SPECC1: variants seen among roughly 807,000 people sequenced by gnomAD.
The protein encoded by SPECC1 is cytospin-B.
Under a neutral mutation model 104.1 loss-of-function variants are expected in SPECC1, and 62 were observed. The observed-to-expected ratio is 0.60, with a 90% CI of 0.49 to 0.74. SPECC1 has a LOEUF of 0.74. Among genes scored for constraint, SPECC1 ranks in the 30% least tolerant of loss-of-function variants. SPECC1 has a pLI of 0.00. For synonymous variants in SPECC1, 513 were observed against 501.6 expected, an observed-to-expected ratio of 1.02 and a Z score of -0.30; for missense variants, 1,306 against 1,310.5, an observed-to-expected ratio of 1.00 and a Z score of 0.05.
At chr17:20,239,612 C>T (rs900602012) in intron 7 of SPECC1, among the ~76,000 whole-genome samples, 3 of 151,894 alleles carry the variant, frequency 2.0e-5, no homozygotes, top group Admixed American at 6.6e-5. Flanking sequence ...GCTATAATAG[C>T]AGTCCTTATT....
At chr17:20,146,492 G>C (rs1040426381) in intron 3 of SPECC1, among the ~76,000 whole-genome samples, 8 of 152,198 alleles carry the variant, frequency 5.3e-5, no homozygotes, top group Non-Finnish European at 8.8e-5. Flanking sequence ...TGGCAATTAT[G>C]AATAAAACTG....
At chr17:20,223,347 T>A (rs1312727265) in intron 4 of SPECC1, among the ~76,000 whole-genome samples, 1 of 152,186 alleles carries the variant, frequency 6.6e-6, no homozygotes, top group Non-Finnish European at 1.5e-5. Context: ...TCATAAACTT[T>A]TAGCTCCATA....
intron 13 of SPECC1, among the ~76,000 whole-genome samples, chr17:20,304,215 G>C (rs1567621588): frequency 6.8e-6 from 1 of 146,836 alleles, no homozygotes; most frequent in Non-Finnish European, 1.5e-5. Flanking sequence ...ACTTGGACCT[G>C]GGAGGCAGAG....
intron 1 of SPECC1, among the ~76,000 whole-genome samples, chr17:20,052,036 C>G (rs1157223476): frequency 6.6e-6 from 1 of 151,928 alleles, no homozygotes; most frequent in Non-Finnish European, 1.5e-5. Context: ...GTGACAACTT[C>G]AACAAAAAAA....
intron 12 of SPECC1, among the ~76,000 whole-genome samples, chr17:20,289,826 G>A (rs917936951): frequency 1.3e-5 from 2 of 152,160 alleles, no homozygotes; most frequent in African/African-American, 4.8e-5. Flanking sequence ...TTATTTAGGA[G>A]TATAATGTTC....
chr17:20,173,109 C>A (rs2034210192), intron 3 of SPECC1, among the ~76,000 whole-genome samples: 1 of 152,190 alleles, frequency 6.6e-6, no homozygotes, highest in South Asian at 2.1e-4. Flanking sequence ...TTTACTATTT[C>A]TTTTCCCCTA....
At chr17:20,169,915 AC>A (rs1390694707) in intron 3 of SPECC1, among the ~76,000 whole-genome samples, 2 of 152,224 alleles carry the variant, frequency 1.3e-5, no homozygotes, top group African/African-American at 2.4e-5. Context: ...TATTTTACTT[AC>A]AAAAATTTTT....
intron 7 of SPECC1, among the ~76,000 whole-genome samples, chr17:20,236,492 T>C (rs1380896645): frequency 2.0e-5 from 3 of 152,160 alleles, no homozygotes; most frequent in Admixed American, 6.5e-5. Flanking sequence ...GTTGCAGTTA[T>C]AAAAGCAAGA....
chr17:20,114,058 T>A (rs1478471190), intron 3 of SPECC1, among the ~76,000 whole-genome samples: 1 of 152,230 alleles, frequency 6.6e-6, no homozygotes, highest in Non-Finnish European at 1.5e-5. Context: ...TGAGGAATTT[T>A]AAACATATAT....
chr17:20,098,843 C>T (rs1383868720), intron 2 of SPECC1, among the ~76,000 whole-genome samples: 4 of 152,182 alleles, frequency 2.6e-5, no homozygotes, highest in Non-Finnish European at 4.4e-5. Flanking sequence ...AAAGTAAGCC[C>T]CCTGCAGACA....
chr17:20,200,437 A>C (rs1230803779), intron 3 of SPECC1, among the ~76,000 whole-genome samples: 1 of 152,016 alleles, frequency 6.6e-6, no homozygotes, highest in East Asian at 2.0e-4. Flanking sequence ...TTTTATGTTA[A>C]CTTCTTGGAA....
chr17:20,105,527 C>T (rs778842800), intron 2 of SPECC1, among the ~76,000 whole-genome samples: 6 of 152,124 alleles, frequency 3.9e-5, no homozygotes, highest in Non-Finnish European at 7.4e-5. Context: ...TTGCATGTCC[C>T]ACTCCCTCCC....
chr17:20,165,293 C>G (rs2151151114), intron 3 of SPECC1, among the ~76,000 whole-genome samples: 1 of 152,172 alleles, frequency 6.6e-6, no homozygotes, highest in South Asian at 2.1e-4. Flanking sequence ...CATTTATAAG[C>G]AAGAACATGC....
intron 12 of SPECC1, among the ~76,000 whole-genome samples, chr17:20,271,390 A>G (rs1213157394): frequency 1.3e-5 from 2 of 150,442 alleles, no homozygotes; most frequent in African/African-American, 4.9e-5. Flanking sequence ...TCATGGTTGT[A>G]CATATCTGGA....
At chr17:20,210,254 T>C (rs2037047410) in intron 4 of SPECC1, among the ~76,000 whole-genome samples, 1 of 152,226 alleles carries the variant, frequency 6.6e-6, no homozygotes, top group South Asian at 2.1e-4. Flanking sequence ...ATCCAGGTGA[T>C]GTATTGATAT....
intron 3 of SPECC1, among the ~76,000 whole-genome samples, chr17:20,161,883 C>G (rs910132135): frequency 6.6e-6 from 1 of 151,724 alleles, no homozygotes; most frequent in Non-Finnish European, 1.5e-5. Flanking sequence ...CAACTTCTGC[C>G]TCCCAGGTTC....
At chr17:20,282,492 G>A (rs528396153) in intron 12 of SPECC1, among the ~76,000 whole-genome samples, 5 of 152,330 alleles carry the variant, frequency 3.3e-5, no homozygotes, top group South Asian at 2.1e-4. Context: ...ATGCAATTCC[G>A]ATTAAAATCC....
chr17:20,085,271 G>A (rs558407085), intron 1 of SPECC1, among the ~76,000 whole-genome samples: 1 of 152,324 alleles, frequency 6.6e-6, no homozygotes, highest in African/African-American at 2.4e-5. Flanking sequence ...CATGGCTCAG[G>A]CTGTGCTCTT....
At chr17:20,064,206 G>T (rs1294034275) in intron 1 of SPECC1, among the ~76,000 whole-genome samples, 1 of 152,168 alleles carries the variant, frequency 6.6e-6, no homozygotes, top group Admixed American at 6.5e-5. Context: ...GTGTGATGCT[G>T]GGACAGCCAA....
Sources: allele counts gnomAD v4.1 joint callset (sites outside exome capture counted in the v4.1 genomes callset), GRCh38; gene constraint gnomAD v4.1.1; transcripts MANE v1.5; gene names NCBI Gene and HGNC (gene_info 2026-07-23, HGNC 2026-07-21).